The following MGRN1 variants were observed in gnomAD, a reference collection of about 807,000 sequenced individuals.
MGRN1 encodes E3 ubiquitin-protein ligase MGRN1.
Under a neutral mutation model 69.2 loss-of-function variants are expected in MGRN1, and 29 were observed. The ratio of observed to expected loss-of-function variants is 0.42; its 90% CI spans 0.31 to 0.57. The LOEUF (loss-of-function observed/expected upper bound fraction) is 0.57. Ranked by LOEUF, MGRN1 falls within the 20% of genes least tolerant of loss-of-function variation. MGRN1 has a pLI of 0.15. For synonymous variants in MGRN1, 470 were observed against 344.2 expected (o/e 1.37, Z -4.04); for missense variants, 998 against 796.2 (o/e 1.25, Z -3.05).
At chr16:4,641,826 G>C (rs1268133278) in intron 1 of MGRN1, among the ~76,000 whole-genome samples, 1 of 152,020 alleles carries the variant, frequency 6.6e-6, no homozygotes, top group African/African-American at 2.4e-5. Context: ...GCCACTTTTT[G>C]TATTTTTTGT....
chr16:4,661,940 G>A (rs1596295364), intron 5 of MGRN1, among the ~76,000 whole-genome samples: 2 of 152,248 alleles, frequency 1.3e-5, no homozygotes, highest in South Asian at 4.1e-4. Context: ...GGAAGCTGCG[G>A]TAGCCGTGTG....
chr16:4,681,969 A>G (rs2079192194), intron 13 of MGRN1, among the ~76,000 whole-genome samples, 193 bp downstream of exon 13: 1 of 152,246 alleles, frequency 6.6e-6, no homozygotes, highest in Non-Finnish European at 1.5e-5. Context: ...ACGAGGCAGG[A>G]AGAGCGTCCG....
chr16:4,638,885 C>T (rs998545252), intron 1 of MGRN1, among the ~76,000 whole-genome samples: 8 of 152,202 alleles, frequency 5.3e-5, no homozygotes, highest in African/African-American at 1.9e-4. Context: ...AAGTCCACCC[C>T]TGGTGTCCCG....
intron 16 of MGRN1, chr16:4,687,338 C>T (rs2079349432): frequency 1.0e-6 from 1 of 969,186 alleles, no homozygotes; most frequent in African/African-American, 1.8e-5. Context: ...CACTTGAGCC[C>T]AGGAATTCAA....
At chr16:4,672,860 T>A (rs190049954) in intron 9 of MGRN1, among the ~76,000 whole-genome samples, 2 of 152,334 alleles carry the variant, frequency 1.3e-5, no homozygotes, top group East Asian at 3.9e-4. Context: ...TGTTTTGAGA[T>A]GGAGTCTTGC....
chr16:4,633,469 A>C (rs943053047), intron 1 of MGRN1: 1 of 151,806 alleles, frequency 6.6e-6, no homozygotes, highest in Non-Finnish European at 1.5e-5. Context: ...AGGCGGGTGG[A>C]TCACCTGAGG....
At chr16:4,661,087 C>T (rs974108966) in intron 5 of MGRN1, among the ~76,000 whole-genome samples, 3 of 152,024 alleles carry the variant, frequency 2.0e-5, no homozygotes, top group Non-Finnish European at 2.9e-5. Context: ...GTTAAGCGAT[C>T]CTCTCACCTC....
chr16:4,630,202 A>G (rs1020497000), intron 1 of MGRN1, among the ~76,000 whole-genome samples: 2 of 151,706 alleles, frequency 1.3e-5, no homozygotes, highest in Non-Finnish European at 2.9e-5. Flanking sequence ...AATACAAAAA[A>G]TTAGTTGGGT....
At position 4,677,489 on chromosome 16, in the gene MGRN1, G is replaced by C. The variant is rs751936825; in HGVS notation, c.982G>C (p.Ala328Pro). Residue 328 changes from alanine to proline, a missense_variant, in exon 11 of 17, where the codon GCG becomes CCG. By Grantham distance (27) the Ala-to-Pro change is conservative. Coordinates refer to ENST00000262370, the MANE Select transcript of MGRN1 (RefSeq NM_015246.4). ...LPFRALLQIR[A>P]VRKKPGALSP... ...TTTCCGGGCCCTCCTGCAGATCCGG[G>C]CGGTGCGGAAGAAGCCAGGAGCCCT... 2.5e-6 allele frequency: 4 copies of C among 1,586,316 alleles called. No homozygotes were observed. The South Asian group carries it at 4.5e-5, about 18-fold the overall frequency.
intron 1 of MGRN1, among the ~76,000 whole-genome samples, chr16:4,640,874 C>G (rs538136512): frequency 1.3e-5 from 2 of 152,236 alleles, no homozygotes; most frequent in Non-Finnish European, 2.9e-5. Flanking sequence ...GGTGTGCGCC[C>G]CAGCTCCACC....
At position 4,688,991 on chromosome 16, in the gene MGRN1, C is replaced by A; in HGVS notation, c.*83C>A. 8 of 1,449,832 alleles carry A rather than the reference C, an allele frequency of 5.5e-6. No homozygotes were observed. The highest frequency in any genetic ancestry group is 7.3e-6 in the Non-Finnish European group (8 of 1,096,022). 89.8% of individuals were successfully genotyped at this position (1,449,832 alleles called of 1,614,324 possible). A position where few individuals can be genotyped will look rare whatever the true frequency, so the allele number is the denominator to read the frequency against. On this transcript the variant is annotated 3_prime_UTR_variant, in exon 17 of 17. Transcript: ENST00000262370. Reference sequence around the variant, plus strand: ...TGCTCCGGACCCCGTTGTGAGCCGGCCTCCTGTCTGCATGCCCCCTGTGGC... The same window carrying A: ...TGCTCCGGACCCCGTTGTGAGCCGGACTCCTGTCTGCATGCCCCCTGTGGC...
At chr16:4,687,398 G>A (rs1466743842) in intron 16 of MGRN1, 13 of 907,284 alleles carry the variant, frequency 1.4e-5, no homozygotes, top group East Asian at 1.2e-4. Context: ...TAAAAAATTG[G>A]CTTGGGCGTG....
At chr16:4,645,966 A>G (rs1193498013) in intron 1 of MGRN1, among the ~76,000 whole-genome samples, 1 of 152,212 alleles carries the variant, frequency 6.6e-6, no homozygotes, top group Non-Finnish European at 1.5e-5. Context: ...GGGAGTCAGG[A>G]GAGGAGAAAT....
At chr16:4,676,238 T>G (rs776528213) in intron 10 of MGRN1, among the ~76,000 whole-genome samples, 1 of 152,150 alleles carries the variant, frequency 6.6e-6, no homozygotes, top group Non-Finnish European at 1.5e-5. Context: ...GCCCAGGCTG[T>G]CTGTCGGCCT....
intron 8 of MGRN1, among the ~76,000 whole-genome samples, chr16:4,670,766 G>T (rs1159938256): frequency 6.6e-6 from 1 of 152,190 alleles, no homozygotes. Context: ...GGTACCAGGG[G>T]AACAGGAGAC....
At chr16:4,681,469 G>A in intron 12 of MGRN1, 81 bp from the exon 13 acceptor site, 2 of 1,350,692 alleles carry the variant, frequency 1.5e-6, no homozygotes, top group South Asian at 1.3e-5. Flanking sequence ...AGAACAGAGT[G>A]GACAGGAGGT....
At chr16:4,679,956 C>T (rs2079141296) in intron 11 of MGRN1, 76 bp from the exon 12 acceptor site, 3 of 1,370,834 alleles carry the variant, frequency 2.2e-6, no homozygotes, top group Admixed American at 3.8e-5. Flanking sequence ...AGAGGACAGC[C>T]AGTCAGACCT....
At chr16:4,641,541 G>A (rs1184653875) in intron 1 of MGRN1, among the ~76,000 whole-genome samples, 2 of 146,934 alleles carry the variant, frequency 1.4e-5, no homozygotes, top group Non-Finnish European at 3.0e-5. Context: ...TTTTAAGACA[G>A]CGTTTTGCTC....
chr16:4,641,993 G>C (rs944339518), intron 1 of MGRN1, among the ~76,000 whole-genome samples: 2 of 152,062 alleles, frequency 1.3e-5, no homozygotes, highest in Non-Finnish European at 2.9e-5. Context: ...TTCCCAGTTG[G>C]TCTCGTCTCC....
Sources: gnomAD v4.1 joint callset for allele counts (sites outside exome capture counted in the v4.1 genomes callset) on GRCh38, gnomAD v4.1.1 for gene constraint, MANE v1.5 for transcripts, NCBI Gene and HGNC (gene_info 2026-07-23, HGNC 2026-07-21) for gene names.